The following ARHGAP26 variants were observed in gnomAD, a reference collection of about 807,000 sequenced individuals.
ARHGAP26 encodes the protein rho GTPase-activating protein 26.
Under a neutral mutation model 104.8 loss-of-function variants are expected in ARHGAP26, and 38 were observed. The ratio of observed to expected loss-of-function variants is 0.36; its 90% CI spans 0.28 to 0.48. The LOEUF (loss-of-function observed/expected upper bound fraction) is 0.48, where lower values mean the gene tolerates loss of function less well. Ranked by LOEUF, ARHGAP26 falls within the 20% of genes least tolerant of loss-of-function variation. The probability of loss-of-function intolerance (pLI) is 0.99; values close to 1 mark genes in which losing one functional copy is unlikely to be tolerated. For synonymous variants in ARHGAP26, 341 were observed against 340.0 expected (o/e 1.00, Z -0.03); for missense variants, 704 against 947.9 (o/e 0.74, Z 3.38).
intron 22 of ARHGAP26, among the ~76,000 whole-genome samples, chr5:143,217,129 GTA>G (rs1159957459): frequency 5.9e-5 from 9 of 152,170 alleles, no homozygotes; most frequent in Non-Finnish European, 8.8e-5. Context: ...GTGTGTGTGT[GTA>G]TGTGTGTCTT....
At position 143,124,284 on chromosome 5, in the gene ARHGAP26, G is replaced by A. The variant is rs535642732; in HGVS notation, c.1698+3137G>A. On this transcript the variant is annotated intron_variant, in intron 18 of 22. Transcript: ENST00000645722. ...ACTGAAAAGAAGGTGTGGAAACCTA[G>A]GCATCTAGCCATTGGAGCCACTCCA... Among the ~76,000 whole-genome samples the A allele has an allele frequency of 2.8e-3, 432 of 152,346 alleles. 2 individuals are homozygous for A. The highest frequency in any genetic ancestry group is 0.01 in the African/African-American group (419 of 41,578).
Position 142,904,596 on chromosome 5 carries a change from C to T in ARHGAP26, c.832+927C>T, listed in dbSNP as rs113579833. 3.8e-3 allele frequency among the ~76,000 whole-genome samples: 582 copies of T among 151,962 alleles called. 5 individuals are homozygous for T. The highest frequency in any genetic ancestry group is 0.013 in the African/African-American group (552 of 41,406). ...TCTAGGAAAGGAATGCCAGGTGCTG[C>T]TAACATGGACATTTTAGTGATGACT... On this transcript the variant is annotated intron_variant, in intron 8 of 22. Coordinates refer to ENST00000645722, the MANE Select transcript of ARHGAP26 (RefSeq NM_001135608.3).
At chr5:142,934,751 T>A (rs954950212) in intron 11 of ARHGAP26, among the ~76,000 whole-genome samples, 4 of 151,670 alleles carry the variant, frequency 2.6e-5, no homozygotes, top group African/African-American at 9.7e-5. Context: ...TGATGGATTA[T>A]TTGGTGTTGG....
At chr5:142,818,731 A>G (rs1251567840) in intron 1 of ARHGAP26, among the ~76,000 whole-genome samples, 1 of 152,204 alleles carries the variant, frequency 6.6e-6, no homozygotes, top group Non-Finnish European at 1.5e-5. Context: ...TTCACATGCT[A>G]ACATACACAG....
chr5:143,147,472 C>T lies in ARHGAP26; in HGVS notation c.1988+91C>T, dbSNP rs964382739. The T allele has an allele frequency of 1.6e-5, 23 of 1,437,880 alleles. No individual in the cohort carries two copies. The African/African-American group carries it at 3.0e-4, about 19-fold the overall frequency. 89.1% of individuals were successfully genotyped at this position (1,437,880 alleles called of 1,614,324 possible). A position where few individuals can be genotyped will look rare whatever the true frequency, so the allele number is the denominator to read the frequency against. On this transcript the variant is annotated intron_variant, in intron 20 of 22. Coordinates refer to ENST00000645722, the MANE Select transcript of ARHGAP26 (RefSeq NM_001135608.3). The stretch of plus-strand genomic sequence containing the variant: ...TGTCTGGCTCCATCTGACTTTGGAC[C>T]ATTATCCCCTGAACATTATTTAAAC...
intron 21 of ARHGAP26, among the ~76,000 whole-genome samples, chr5:143,208,792 T>A (rs759507558): frequency 9.8e-5 from 15 of 152,360 alleles, no homozygotes; most frequent in Admixed American, 3.3e-4. Context: ...TTGTCCTGGA[T>A]GATGGGAAGG....
chr5:142,864,606 A>G (rs1352486520), intron 1 of ARHGAP26, among the ~76,000 whole-genome samples: 1 of 152,164 alleles, frequency 6.6e-6, no homozygotes, highest in African/African-American at 2.4e-5. Flanking sequence ...AAATTGCTTA[A>G]TTGTTATGGT....
chr5:142,875,210 A>G (rs754593346), intron 3 of ARHGAP26, 39 bp downstream of exon 3: 2 of 1,598,440 alleles, frequency 1.3e-6, no homozygotes, highest in Non-Finnish European at 1.7e-6. Context: ...CAGATAGTAT[A>G]TTCGTGTTGA....
At position 143,222,855 on chromosome 5, in the gene ARHGAP26, C is replaced by T; in HGVS notation, c.*409C>T. On this transcript the variant is annotated 3_prime_UTR_variant, in exon 23 of 23. Coordinates refer to ENST00000645722, the MANE Select transcript of ARHGAP26 (RefSeq NM_001135608.3). ...CTGGGGCTGGGTGAAGAAATTGGCG[C>T]TGAGATCCAGGCTGGATCCATTGCT... is the stretch of plus-strand genomic sequence containing the variant. The T allele has an allele frequency of 4.3e-6, 1 of 234,992 alleles. No homozygotes were observed. The highest frequency in any genetic ancestry group is 8.4e-6 in the Non-Finnish European group (1 of 119,242). The allele number at this position is 234,992 out of a possible 1,614,324, so 14.6% of individuals were successfully genotyped here.
intron 1 of ARHGAP26, among the ~76,000 whole-genome samples, chr5:142,846,146 T>C (rs906157487): frequency 6.6e-6 from 1 of 152,236 alleles, no homozygotes; most frequent in Non-Finnish European, 1.5e-5. Flanking sequence ...CATTGTCTGC[T>C]CACATTTATA....
At chr5:143,117,058 A>G (rs1795551995) in intron 17 of ARHGAP26, among the ~76,000 whole-genome samples, 1 of 152,222 alleles carries the variant, frequency 6.6e-6, no homozygotes. Context: ...ACAGCAGAGT[A>G]GTCCACGTGG....
intron 11 of ARHGAP26, among the ~76,000 whole-genome samples, chr5:142,996,204 AGGTTTGTGGCTG>A (rs1458243298): frequency 6.6e-6 from 1 of 152,168 alleles, no homozygotes; most frequent in African/African-American, 2.4e-5. Flanking sequence ...AAATGAAAAT[AGGTTTGTGGCTG>A]GGTGCAGTGG....
rs781668218 is a variant in ARHGAP26 at position 142,913,185 on chromosome 5, T to TG, written c.934-13dup. ...ATTCTGGCCTCATCTTGATAGTCTG[T>TG]GTGTTCCCACTAGGGAGAAGATGAA... On this transcript the variant is annotated splice_polypyrimidine_tract_variant and intron_variant, in intron 9 of 22. Transcript: ENST00000645722. 2.2e-5 allele frequency: 36 copies of TG among 1,611,388 alleles called. No individual in the cohort carries two copies. Among genetic ancestry groups the TG allele is most frequent in the Middle Eastern group, 1.6e-4 (1 of 6,080 alleles).
chr5:142,884,855 G>T lies in ARHGAP26; in HGVS notation c.385-443G>T, dbSNP rs141783390. Among the ~76,000 whole-genome samples, 107 of 152,268 alleles carry T rather than the reference G, an allele frequency of 7.0e-4. 2 individuals are homozygous for T. Among genetic ancestry groups the T allele is most frequent in the African/African-American group, 2.3e-3 (96 of 41,542 alleles). Reference sequence around the variant, plus strand: ...GAAGTGTTTTTGGGACAGTATTAAGGCTGGATCTAGCCTTAGTCTAGACTT... The same window carrying T: ...GAAGTGTTTTTGGGACAGTATTAAGTCTGGATCTAGCCTTAGTCTAGACTT... On this transcript the variant is annotated intron_variant, in intron 4 of 22. Coordinates refer to ENST00000645722, the MANE Select transcript of ARHGAP26 (RefSeq NM_001135608.3).
chr5:142,955,095 T>TACACAC (rs11419144), intron 11 of ARHGAP26, among the ~76,000 whole-genome samples: 12 of 52,622 alleles, frequency 2.3e-4, no homozygotes, highest in African/African-American at 1.7e-3. Context: ...GAGACCTGTC[T>TACACAC]ACACACACAC....
intron 1 of ARHGAP26, among the ~76,000 whole-genome samples, chr5:142,774,352 T>A (rs1755853566): frequency 6.6e-6 from 1 of 152,178 alleles, no homozygotes; most frequent in African/African-American, 2.4e-5. Context: ...ATCCAGTCTG[T>A]AGTTCTCAAT....
Position 143,211,343 on chromosome 5 carries a change from A to G in ARHGAP26, c.2100-2654A>G, listed in dbSNP as rs117883707. Among the ~76,000 whole-genome samples, 1,326 of 152,322 alleles carry G rather than the reference A, an allele frequency of 8.7e-3. 15 individuals are homozygous for G. Among genetic ancestry groups the G allele is most frequent in the East Asian group, 0.034 (174 of 5,182 alleles). ...ATTGTTTATTCTGCCATCCAAATCT[A>G]ACTAGGTGTCCTGTATTTTATCTGG... On this transcript the variant is annotated intron_variant, in intron 21 of 22. Coordinates refer to ENST00000645722, the MANE Select transcript of ARHGAP26 (RefSeq NM_001135608.3).
intron 19 of ARHGAP26, among the ~76,000 whole-genome samples, chr5:143,144,021 T>G (rs1297895712): frequency 1.3e-5 from 2 of 152,228 alleles, no homozygotes; most frequent in Non-Finnish European, 2.9e-5. Flanking sequence ...CTCACTGACT[T>G]CAACCAGTTT....
At chr5:142,825,225 A>G (rs1405369150) in intron 1 of ARHGAP26, among the ~76,000 whole-genome samples, 1 of 152,238 alleles carries the variant, frequency 6.6e-6, no homozygotes, top group Admixed American at 6.5e-5. Flanking sequence ...TACCTAGCAC[A>G]CAGTACATGC....
Sources: allele counts gnomAD v4.1 joint callset (sites outside exome capture counted in the v4.1 genomes callset), GRCh38; gene constraint gnomAD v4.1.1; transcripts MANE v1.5; gene names NCBI Gene and HGNC (gene_info 2026-07-23, HGNC 2026-07-21).